The following PCDHA6 variants were observed in gnomAD, a reference collection of about 807,000 sequenced individuals.
PCDHA6 encodes protocadherin alpha 6, also known as protocadherin alpha-6.
A neutral mutation model predicts 60.3 loss-of-function variants in PCDHA6; 55 were observed. The ratio of observed to expected loss-of-function variants is 0.91; its 90% CI spans 0.73 to 1.14. The LOEUF (loss-of-function observed/expected upper bound fraction) is 1.14, where lower values mean the gene tolerates loss of function less well. Among genes scored for constraint, PCDHA6 ranks in the 50% most tolerant of loss-of-function variants. The probability of loss-of-function intolerance (pLI) is 0.00; values close to 1 mark genes in which losing one functional copy is unlikely to be tolerated. For synonymous variants in PCDHA6, 652 were observed against 557.9 expected (o/e 1.17, Z -2.38); for missense variants, 1,327 against 1,256.5 (o/e 1.06, Z -0.85).
At chr5:140,990,858 T>C (rs1243458417) in intron 3 of PCDHA6, among the ~76,000 whole-genome samples, 2 of 152,172 alleles carry the variant, frequency 1.3e-5, no homozygotes, top group African/African-American at 2.4e-5. Flanking sequence ...CCTGAGGACA[T>C]TGTATTTTAA....
chr5:140,998,491 A>G (rs994652769), intron 3 of PCDHA6, among the ~76,000 whole-genome samples: 15 of 152,288 alleles, frequency 9.8e-5, no homozygotes, highest in African/African-American at 3.1e-4. Flanking sequence ...TAACTCTTTG[A>G]GAACAGGGTA....
Position 140,828,266 on chromosome 5 carries a change from C to T in PCDHA6, c.175C>T (p.Leu59=). Residue 59 remains leucine, a synonymous_variant, in exon 1 of 4, where the codon CTG becomes TTG. Transcript: ENST00000529310. ...AQDLGLELAE[L]VPRLFRMASK... ...GGACCTGGGGCTGGAGCTGGCGGAG[C>T]TGGTGCCGCGCCTGTTCAGGATGGC... 6.2e-7 allele frequency: 1 copy of T among 1,614,048 alleles called. No individual in the cohort carries two copies. The highest frequency in any genetic ancestry group is 8.5e-7 in the Non-Finnish European group (1 of 1,180,052).
At chr5:140,911,892 G>A (rs2075679347) in intron 1 of PCDHA6, among the ~76,000 whole-genome samples, 1 of 152,176 alleles carries the variant, frequency 6.6e-6, no homozygotes. Flanking sequence ...ACCAAAATCT[G>A]TATTAGTCAG....
intron 1 of PCDHA6, chr5:140,875,493 A>T: frequency 6.2e-7 from 1 of 1,612,928 alleles, no homozygotes; most frequent in South Asian, 1.1e-5. Flanking sequence ...TCGGACCAAG[A>T]GGCCCGGGAT....
intron 1 of PCDHA6, among the ~76,000 whole-genome samples, chr5:140,899,245 G>A (rs2067216472): frequency 6.6e-6 from 1 of 152,128 alleles, no homozygotes; most frequent in Non-Finnish European, 1.5e-5. Context: ...GGAGTGGTGA[G>A]AGAGGGCATC....
chr5:140,873,785 C>T (rs1035020245), intron 1 of PCDHA6, among the ~76,000 whole-genome samples: 2 of 152,146 alleles, frequency 1.3e-5, no homozygotes, highest in Non-Finnish European at 2.9e-5. Flanking sequence ...CTCAGCTTTC[C>T]GAGAAGCTGG....
At chr5:140,886,436 T>A (rs1434592910) in intron 1 of PCDHA6, among the ~76,000 whole-genome samples, 2 of 152,158 alleles carry the variant, frequency 1.3e-5, no homozygotes, top group African/African-American at 4.8e-5. Context: ...TATTCATTTG[T>A]TTGTACTAAT....
chr5:140,854,042 G>A lies in PCDHA6; in HGVS notation c.2394+23557G>A, dbSNP rs1005442587. 1.8e-5 allele frequency: 5 copies of A among 285,684 alleles called. 1 individual carries two copies. The highest frequency in any genetic ancestry group is 2.7e-5 in the Non-Finnish European group (5 of 185,908). The allele number at this position is 285,684 out of a possible 1,614,324, so 17.7% of individuals were successfully genotyped here. A position where few individuals can be genotyped will look rare whatever the true frequency, so the allele number is the denominator to read the frequency against. On this transcript the variant is annotated intron_variant, in intron 1 of 3. Coordinates refer to ENST00000529310, the MANE Select transcript of PCDHA6 (RefSeq NM_018909.4). ...CCGGGCATGGTGGCACACATCTCTA[G>A]TCCCAATTACTCAGGAGGCTGAGGC...
rs2150174490 is a variant in PCDHA6, at chr5:140,829,779, C to A, written c.1688C>A (p.Pro563Gln). 6.2e-7 allele frequency: 1 copy of A among 1,613,790 alleles called. No homozygotes were observed. Among genetic ancestry groups the A allele is most frequent in the South Asian group, 1.1e-5 (1 of 91,068 alleles). The change falls in exon 1 of 4, where the codon CCG becomes CAG. Residue 563 changes from proline to glutamine, a missense_variant. Transcript: ENST00000529310. Reference sequence around the variant, plus strand: ...GTGCTGGACGAGAACGACAACGCGCCGGCGCTGCTGGCGCCTCGGGTGGGT... The same window carrying A: ...GTGCTGGACGAGAACGACAACGCGCAGGCGCTGCTGGCGCCTCGGGTGGGT... ...VFVLDENDNA[P>Q]ALLAPRVGGT... is the part of the protein sequence containing the mutation.
Position 140,895,311 on chromosome 5 carries a change from C to T in PCDHA6, c.2394+64826C>T, listed in dbSNP as rs572826090. 2.0e-5 allele frequency among the ~76,000 whole-genome samples: 3 copies of T among 152,252 alleles called. No homozygotes were observed. The South Asian group carries it at 6.2e-4, about 32-fold the overall frequency. On this transcript the variant is annotated intron_variant, in intron 1 of 3. Transcript: ENST00000529310. ...GACCTTCGATTTCCCCCCTTCCACC[C>T]ATGACTATTGTTCTCAAATTGTTTT...
intron 1 of PCDHA6, among the ~76,000 whole-genome samples, chr5:140,919,193 T>C (rs1444043948): frequency 6.6e-6 from 1 of 152,262 alleles, no homozygotes; most frequent in African/African-American, 2.4e-5. Flanking sequence ...ATTGGTCCTT[T>C]TGTCATTATA....
chr5:140,898,079 C>G (rs1179252797), intron 1 of PCDHA6, among the ~76,000 whole-genome samples: 2 of 151,984 alleles, frequency 1.3e-5, no homozygotes, highest in East Asian at 1.9e-4. Context: ...ATTGTAGATT[C>G]TGGATATTAG....
intron 1 of PCDHA6, among the ~76,000 whole-genome samples, chr5:140,890,386 A>G (rs905205351): frequency 6.6e-6 from 1 of 152,202 alleles, no homozygotes; most frequent in Admixed American, 6.5e-5. Flanking sequence ...TCTTTCTTAG[A>G]TAATCTATAA....
intron 1 of PCDHA6, chr5:140,834,797 GA>G (rs2150227028): frequency 1.2e-6 from 2 of 1,613,022 alleles, no homozygotes; most frequent in South Asian, 2.2e-5. Flanking sequence ...CGACACAAAG[GA>G]ATCTGTTCAT....
chr5:141,002,679 G>A (rs1554258764), intron 3 of PCDHA6, among the ~76,000 whole-genome samples: 1 of 152,134 alleles, frequency 6.6e-6, no homozygotes, highest in Non-Finnish European at 1.5e-5. Context: ...AAACCTATAC[G>A]ACGTGCAGAT....
intron 3 of PCDHA6, among the ~76,000 whole-genome samples, chr5:140,998,540 T>TA (rs1304307081): frequency 6.6e-6 from 1 of 151,542 alleles, no homozygotes; most frequent in African/African-American, 2.4e-5. Context: ...CCCTAATTCC[T>TA]AATTTAATGT....
At chr5:140,916,186 G>A (rs1321442931) in intron 1 of PCDHA6, among the ~76,000 whole-genome samples, 3 of 152,160 alleles carry the variant, frequency 2.0e-5, no homozygotes, top group Admixed American at 6.5e-5. Flanking sequence ...CTTCAAGGAA[G>A]TGGGCACCCC....
At chr5:140,937,039 CTT>C (rs34994034) in intron 1 of PCDHA6, among the ~76,000 whole-genome samples, 9 of 140,130 alleles carry the variant, frequency 6.4e-5, no homozygotes, top group Admixed American at 7.1e-5. Context: ...TTCCATTTAT[CTT>C]TTTTTTTTTT....
intron 1 of PCDHA6, chr5:140,858,764 G>C: frequency 4.4e-6 from 2 of 451,976 alleles, no homozygotes; most frequent in Non-Finnish European, 8.0e-6. Context: ...ACAAATATTT[G>C]TGAGATTAGT....
Sources: allele counts gnomAD v4.1 joint callset (sites outside exome capture counted in the v4.1 genomes callset), GRCh38; gene constraint gnomAD v4.1.1; transcripts MANE v1.5; gene names NCBI Gene and HGNC (gene_info 2026-07-23, HGNC 2026-07-21).